Variants in FGGY observed in about 807,000 individuals in gnomAD.
FGGY encodes the protein FGGY carbohydrate kinase domain-containing protein.
Under a neutral mutation model 71.3 loss-of-function variants are expected in FGGY, and 72 were observed. The observed-to-expected ratio is 1.01, with a 90% CI of 0.84 to 1.23. The LOEUF is 1.23. Among genes scored for constraint, FGGY ranks in the 50% most tolerant of loss-of-function variants. FGGY has a pLI of 0.00. For synonymous variants in FGGY, 251 were observed against 250.3 expected, an observed-to-expected ratio of 1.00 and a Z score of -0.02; for missense variants, 668 against 682.3, an observed-to-expected ratio of 0.98 and a Z score of 0.23.
chr1:59,614,488 G>T (rs1454397265), intron 9 of FGGY, among the ~76,000 whole-genome samples: 2 of 152,116 alleles, frequency 1.3e-5, no homozygotes, highest in Non-Finnish European at 2.9e-5. Context: ...AGGTATTTAT[G>T]GGACATGTCT....
intron 1 of FGGY, among the ~76,000 whole-genome samples, chr1:59,303,018 G>A (rs1352576138): frequency 3.9e-5 from 6 of 152,050 alleles, no homozygotes; most frequent in Admixed American, 6.6e-5. Context: ...TGACTGATGA[G>A]TAAAAATTGT....
chr1:59,606,168 A>T (rs35092110), intron 8 of FGGY, among the ~76,000 whole-genome samples: 15,107 of 152,118 alleles, frequency 0.099, 860 homozygotes, highest in South Asian at 0.29. Context: ...AAAAAATTTT[A>T]AAAAAATGGC....
Position 59,638,270 on chromosome 1 carries a change from GA to G in FGGY, c.1117del (p.Ile373LeufsTer27), listed in dbSNP as rs1180835067. The G allele has an allele frequency of 1.9e-6, 3 of 1,614,202 alleles. No individual in the cohort carries two copies. Among genetic ancestry groups the G allele is most frequent in the Non-Finnish European group, 2.5e-6 (3 of 1,180,038 alleles). ...CATATTTGAACAGTCACCTGGATCT[GA>G]TTAAGAAGGCTCAGCCTGTGGGTTT... ...YAYLNSHLDL[I>X]KKAQPVGFLT... On this transcript the variant is annotated frameshift_variant, in exon 11 of 16. Transcript: ENST00000303721. LOFTEE classifies it high-confidence loss of function.
chr1:59,640,027 A>G (rs973936636), intron 11 of FGGY, among the ~76,000 whole-genome samples: 1 of 152,244 alleles, frequency 6.6e-6, no homozygotes, highest in African/African-American at 2.4e-5. Context: ...GTATGTATGC[A>G]CCAAAAGGAA....
intron 6 of FGGY, among the ~76,000 whole-genome samples, chr1:59,472,723 C>T (rs566818116): frequency 6.6e-6 from 1 of 152,024 alleles, no homozygotes; most frequent in Non-Finnish European, 1.5e-5. Context: ...CTGGTGGGGA[C>T]TTGGAGAACC....
At chr1:59,645,277 G>A (rs112853363) in intron 11 of FGGY, among the ~76,000 whole-genome samples, 10 of 152,150 alleles carry the variant, frequency 6.6e-5, no homozygotes, top group Admixed American at 6.5e-4. Flanking sequence ...GTGTTGGCAC[G>A]ATGGACAGAC....
At chr1:59,589,148 T>G (rs2096375425) in intron 8 of FGGY, among the ~76,000 whole-genome samples, 2 of 152,102 alleles carry the variant, frequency 1.3e-5, no homozygotes, top group Non-Finnish European at 2.9e-5. Context: ...TCCTAGTCTC[T>G]GATAAAACAG....
chr1:59,635,667 C>A (rs932992841), intron 10 of FGGY, among the ~76,000 whole-genome samples: 1 of 151,962 alleles, frequency 6.6e-6, no homozygotes, highest in Admixed American at 6.6e-5. Flanking sequence ...CAAGGCTTTT[C>A]TTGTGAATGT....
intron 4 of FGGY, among the ~76,000 whole-genome samples, chr1:59,368,663 A>G (rs1043406082): frequency 6.6e-6 from 1 of 152,242 alleles, no homozygotes; most frequent in Non-Finnish European, 1.5e-5. Flanking sequence ...CTGGGATTGT[A>G]TGGGCCAGAG....
chr1:59,618,429 A>G (rs1232793594), intron 9 of FGGY, among the ~76,000 whole-genome samples: 1 of 152,108 alleles, frequency 6.6e-6, no homozygotes, highest in African/African-American at 2.4e-5. Flanking sequence ...TGCAAACCCA[A>G]GCTGGCCACC....
At chr1:59,685,807 C>T (rs565929677) in intron 14 of FGGY, among the ~76,000 whole-genome samples, 15 of 152,142 alleles carry the variant, frequency 9.9e-5, no homozygotes, top group African/African-American at 3.1e-4. Flanking sequence ...CAGGCTGGAG[C>T]GCAGTGACAT....
At chr1:59,339,187 C>T (rs1330871515) in intron 2 of FGGY, among the ~76,000 whole-genome samples, 1 of 152,072 alleles carries the variant, frequency 6.6e-6, no homozygotes, top group Non-Finnish European at 1.5e-5. Context: ...GTTTCATCCT[C>T]AAGATATCTC....
intron 9 of FGGY, among the ~76,000 whole-genome samples, chr1:59,620,714 T>C (rs1558575688): frequency 6.6e-6 from 1 of 152,072 alleles, no homozygotes; most frequent in Non-Finnish European, 1.5e-5. Context: ...GTAATTATAA[T>C]AAATATCCTA....
rs572150222 is a variant in FGGY, at chr1:59,367,336, C to T, written c.466-11413C>T. 1.2e-3 allele frequency among the ~76,000 whole-genome samples: 181 copies of T among 152,324 alleles called. 1 individual carries two copies. The highest frequency in any genetic ancestry group is 3.4e-3 in the Middle Eastern group (1 of 294). On this transcript the variant is annotated intron_variant, in intron 4 of 15. Coordinates refer to ENST00000303721, the MANE Select transcript of FGGY (RefSeq NM_018291.5). ...CTTTTAAGAATGACATTGAAGATTA[C>T]GTCTCTTCCTGAAACTCTTTTCTCT...
intron 6 of FGGY, among the ~76,000 whole-genome samples, chr1:59,507,028 G>T (rs1022963801): frequency 6.6e-6 from 1 of 152,148 alleles, no homozygotes; most frequent in African/African-American, 2.4e-5. Flanking sequence ...CAGTTTAACT[G>T]TGCAAAGAAT....
At chr1:59,358,004 C>T (rs1293712890) in intron 4 of FGGY, among the ~76,000 whole-genome samples, 1 of 152,188 alleles carries the variant, frequency 6.6e-6, no homozygotes, top group Non-Finnish European at 1.5e-5. Flanking sequence ...ATTCTTTTCT[C>T]ATAGTGGCTA....
chr1:59,347,986 C>T (rs920947045), intron 4 of FGGY, among the ~76,000 whole-genome samples: 2 of 152,106 alleles, frequency 1.3e-5, no homozygotes, highest in Non-Finnish European at 2.9e-5. Context: ...AGCTTCTGCA[C>T]AGCAAAAGAA....
chr1:59,599,231 G>T (rs1264935516), intron 8 of FGGY, among the ~76,000 whole-genome samples: 3 of 152,030 alleles, frequency 2.0e-5, no homozygotes. Context: ...AGCCTCCCAA[G>T]TAGTTGGTAC....
intron 7 of FGGY, among the ~76,000 whole-genome samples, chr1:59,535,494 T>G (rs1328751562): frequency 6.6e-6 from 1 of 152,146 alleles, no homozygotes; most frequent in African/African-American, 2.4e-5. Flanking sequence ...AATAGACATC[T>G]ACAGAACTCT....
Sources: allele counts gnomAD v4.1 joint callset (sites outside exome capture counted in the v4.1 genomes callset), GRCh38; gene constraint gnomAD v4.1.1; transcripts MANE v1.5; gene names NCBI Gene and HGNC (gene_info 2026-07-23, HGNC 2026-07-21).